The following FBXO34 variants were observed in gnomAD, a reference collection of about 807,000 sequenced individuals.
The protein encoded by FBXO34 is F-box protein 34.
A neutral mutation model predicts 24.5 loss-of-function variants in FBXO34; 12 were observed. That is an observed-to-expected ratio of 0.49 (90% confidence interval 0.31 to 0.79). The LOEUF is 0.79. Among genes scored for constraint, FBXO34 ranks in the 30% least tolerant of loss-of-function variants. The probability of loss-of-function intolerance (pLI) is 0.04; values close to 1 mark genes in which losing one functional copy is unlikely to be tolerated. For synonymous variants in FBXO34, 320 were observed against 311.9 expected (o/e 1.03, Z -0.27); for missense variants, 823 against 857.7 (o/e 0.96, Z 0.51).
chr14:55,274,052 C>T (rs2139618459), intron 1 of FBXO34, among the ~76,000 whole-genome samples: 1 of 152,250 alleles, frequency 6.6e-6, no homozygotes, highest in East Asian at 1.9e-4. Context: ...GATCCGCCCA[C>T]CTCAGCCTCC....
chr14:55,400,186 C>T, the FBXO34 span, among the ~76,000 whole-genome samples: 1 of 152,186 alleles, frequency 6.6e-6, no homozygotes, highest in Non-Finnish European at 1.5e-5. Flanking sequence ...CTGCAGTCTC[C>T]ATCCCACCAC....
intron 1 of FBXO34, among the ~76,000 whole-genome samples, chr14:55,275,372 CAT>C (rs1881298043): frequency 6.6e-6 from 1 of 152,190 alleles, no homozygotes; most frequent in African/African-American, 2.4e-5. Flanking sequence ...ATCCAGCAAA[CAT>C]TTTTTTGAGT....
downstream of FBXO34, among the ~76,000 whole-genome samples, chr14:55,356,352 G>C (rs1307213623): frequency 6.6e-6 from 1 of 152,208 alleles, no homozygotes; most frequent in East Asian, 1.9e-4. Context: ...AAACCAATGA[G>C]AGCTGATGTT....
At chr14:55,343,748 G>C (rs1231609092) in intron 1 of FBXO34, among the ~76,000 whole-genome samples, 1 of 152,178 alleles carries the variant, frequency 6.6e-6, no homozygotes, top group Non-Finnish European at 1.5e-5. Flanking sequence ...CTTCCTATTA[G>C]CACTAAGAGA....
intron 1 of FBXO34, among the ~76,000 whole-genome samples, chr14:55,303,386 A>G (rs1047025311): frequency 6.6e-6 from 1 of 152,188 alleles, no homozygotes; most frequent in Non-Finnish European, 1.5e-5. Flanking sequence ...CCATAGAACT[A>G]AGATGTAGCT....
intron 1 of FBXO34, among the ~76,000 whole-genome samples, chr14:55,283,379 T>G (rs1881627260): frequency 6.6e-6 from 1 of 152,202 alleles, no homozygotes; most frequent in Non-Finnish European, 1.5e-5. Flanking sequence ...ATTAGTTATA[T>G]TTCCATCACT....
At chr14:55,427,834 C>T in the FBXO34 span, among the ~76,000 whole-genome samples, 64 of 95,918 alleles carry the variant, frequency 6.7e-4, no homozygotes, top group Admixed American at 1.2e-3. Context: ...CAGCTATATA[C>T]ACACACACAC....
At chr14:55,305,349 G>A (rs1017449806) in intron 1 of FBXO34, among the ~76,000 whole-genome samples, 26 of 151,742 alleles carry the variant, frequency 1.7e-4, no homozygotes, top group Non-Finnish European at 3.1e-4. Flanking sequence ...CGGGAGGTGG[G>A]GGTTGCAGTG....
At chr14:55,273,355 C>G (rs1194012756) in intron 1 of FBXO34, among the ~76,000 whole-genome samples, 1 of 152,116 alleles carries the variant, frequency 6.6e-6, no homozygotes, top group Non-Finnish European at 1.5e-5. Flanking sequence ...ACTGGAAGTT[C>G]ACAAAACAAG....
downstream of FBXO34, among the ~76,000 whole-genome samples, chr14:55,363,901 C>T (rs1351761833): frequency 1.3e-5 from 2 of 152,064 alleles, no homozygotes; most frequent in African/African-American, 4.8e-5. Flanking sequence ...TCGCTCTAGC[C>T]CATTTTCAAC....
the FBXO34 span, among the ~76,000 whole-genome samples, chr14:55,439,360 T>C: frequency 5.3e-5 from 8 of 151,368 alleles, no homozygotes; most frequent in African/African-American, 1.7e-4. Flanking sequence ...GAGACTTGAC[T>C]TCTAGAGGGA....
rs1303223892 is a variant in FBXO34, at chr14:55,350,590, C to T, written c.200C>T (p.Pro67Leu). Residue 67 changes from proline to leucine, a missense_variant, in exon 2 of 2, where the codon CCA becomes CTA. Transcript: ENST00000313833. Reference sequence around the variant, plus strand: ...CGAAAGCCATTTGGGATCCTTTCTCCAAATGTTCTGTGCAGTATGAGTGGG... The same window carrying T: ...CGAAAGCCATTTGGGATCCTTTCTCTAAATGTTCTGTGCAGTATGAGTGGG... Reference protein sequence around the residue: ...SSRKPFGILSPNVLCSMSGKS... With the variant: ...SSRKPFGILSLNVLCSMSGKS... 1.2e-6 allele frequency: 2 copies of T among 1,612,120 alleles called. No homozygotes were observed. The highest frequency in any genetic ancestry group is 2.7e-5 in the African/African-American group (2 of 74,670).
At chr14:55,387,479 G>T in the FBXO34 span, among the ~76,000 whole-genome samples, 2 of 152,046 alleles carry the variant, frequency 1.3e-5, no homozygotes, top group African/African-American at 4.8e-5. Flanking sequence ...GAACCCTATG[G>T]TAATGTGTTC....
At chr14:55,380,185 T>C in the FBXO34 span, among the ~76,000 whole-genome samples, 1 of 151,958 alleles carries the variant, frequency 6.6e-6, no homozygotes, top group Non-Finnish European at 1.5e-5. Context: ...GAGGTGGAGG[T>C]TGCAGTGAGC....
intron 1 of FBXO34, among the ~76,000 whole-genome samples, chr14:55,337,281 AT>A (rs139235237): frequency 0.02 from 3,006 of 152,200 alleles, 78 homozygotes; most frequent in African/African-American, 0.069. Context: ...GTCCATGCTT[AT>A]GGTTATATTT....
exon 4 of FBXO34, chr14:55,361,758 C>A (rs1169402168): frequency 6.6e-6 from 1 of 152,236 alleles, no homozygotes; most frequent in East Asian, 1.9e-4. Context: ...CCTCATGAGC[C>A]AACCTCTGCT....
At chr14:55,311,493 G>A (rs1882738977) in intron 1 of FBXO34, among the ~76,000 whole-genome samples, 1 of 152,126 alleles carries the variant, frequency 6.6e-6, no homozygotes. Flanking sequence ...ATTCACTCCA[G>A]CATTAACTCT....
At chr14:55,314,533 G>A (rs962841337) in intron 1 of FBXO34, among the ~76,000 whole-genome samples, 1 of 125,974 alleles carries the variant, frequency 7.9e-6, no homozygotes. Flanking sequence ...AATGGATTGG[G>A]TATCATTATG....
At chr14:55,404,419 C>A in the FBXO34 span, among the ~76,000 whole-genome samples, 25 of 152,340 alleles carry the variant, frequency 1.6e-4, 1 homozygote, top group Admixed American at 1.4e-3. Context: ...CTCTGCCATG[C>A]GCAAGTAAGC....
Sources: gnomAD v4.1 joint callset for allele counts (sites outside exome capture counted in the v4.1 genomes callset) on GRCh38, gnomAD v4.1.1 for gene constraint, MANE v1.5 for transcripts, NCBI Gene and HGNC (gene_info 2026-07-23, HGNC 2026-07-21) for gene names.